The following TMEFF1 variants were observed in gnomAD, a reference collection of about 807,000 sequenced individuals.
TMEFF1 encodes the protein tomoregulin-1.
Under a neutral mutation model 47.5 loss-of-function variants are expected in TMEFF1, and 20 were observed. The ratio of observed to expected loss-of-function variants is 0.42; its 90% confidence interval spans 0.30 to 0.61. The LOEUF (loss-of-function observed/expected upper bound fraction) is 0.61. Ranked by LOEUF, TMEFF1 falls within the 20% of genes least tolerant of loss-of-function variation. The pLI is 0.19. For missense variants in TMEFF1, 411 were observed against 471.1 expected (o/e 0.87, Z 1.18); for synonymous variants, 162 against 166.3 (o/e 0.97, Z 0.20).
intron 8 of TMEFF1, among the ~76,000 whole-genome samples, chr9:100,570,841 G>T (rs1839226113): frequency 6.6e-6 from 1 of 152,016 alleles, no homozygotes; most frequent in South Asian, 2.1e-4. Context: ...TTCTTAATGA[G>T]TTGTGGGACA....
intron 4 of TMEFF1, among the ~76,000 whole-genome samples, chr9:100,514,142 C>T (rs1265090021): frequency 6.6e-6 from 1 of 151,966 alleles, no homozygotes; most frequent in African/African-American, 2.4e-5. Context: ...ACAATTCACA[C>T]TTAATGCAAA....
intron 8 of TMEFF1, among the ~76,000 whole-genome samples, chr9:100,566,599 G>A (rs1205452215): frequency 3.9e-5 from 6 of 152,178 alleles, no homozygotes; most frequent in Non-Finnish European, 7.3e-5. Flanking sequence ...GCTGTTCCTA[G>A]TGCAGGCCAA....
chr9:100,537,551 A>G (rs749413346), intron 5 of TMEFF1, among the ~76,000 whole-genome samples: 3 of 152,210 alleles, frequency 2.0e-5, no homozygotes, highest in Non-Finnish European at 4.4e-5. Context: ...TAAGCTGTCT[A>G]TTGCTACAGA....
At chr9:100,544,734 C>T (rs1248891448) in intron 5 of TMEFF1, among the ~76,000 whole-genome samples, 1 of 152,264 alleles carries the variant, frequency 6.6e-6, no homozygotes, top group African/African-American at 2.4e-5. Flanking sequence ...CAAGGCAAGT[C>T]CTTTCTGCCT....
chr9:100,519,298 C>T (rs1018556709), intron 5 of TMEFF1, among the ~76,000 whole-genome samples: 7 of 152,038 alleles, frequency 4.6e-5, no homozygotes, highest in African/African-American at 1.7e-4. Context: ...GTCCCAGCTA[C>T]TCGGGAGGCT....
Position 100,572,524 on chromosome 9 carries a change from A to T in TMEFF1, c.906A>T (p.Glu302Asp). 6.3e-7 allele frequency: 1 copy of T among 1,584,494 alleles called. No homozygotes were observed. ...YSTQKASCRC[E>D]SGYTGQHCEK... The stretch of plus-strand genomic sequence containing the variant: ...ATATATTTTTCCTTTTCAGATGTGA[A>T]TCTGGCTACACTGGACAGCACTGTG... Residue 302 changes from glutamate to aspartate, a missense_variant, in exon 9 of 10, where the codon GAA (glutamate) becomes GAT (aspartate). Physicochemically the swap from Glu to Asp is conservative, Grantham distance 45 (BLOSUM62 2). Transcript: ENST00000374879.
rs1358565521 is a variant in TMEFF1, at chr9:100,523,968, G to A, written c.560+7197G>A. On this transcript the variant is annotated intron_variant, in intron 5 of 9. Transcript: ENST00000374879. ...TATGTATATATGCATTCATGCCTTC[G>A]AAATTTAGTGCTGCCAATTCAAAAG... Among the ~76,000 whole-genome samples, 5 of 152,092 alleles carry A rather than the reference G, an allele frequency of 3.3e-5. No individual in the cohort carries two copies. In the East Asian group the frequency reaches 5.8e-4, roughly 18 times the overall value.
intron 5 of TMEFF1, among the ~76,000 whole-genome samples, chr9:100,525,895 A>G (rs2118421368): frequency 1.3e-5 from 2 of 150,512 alleles, no homozygotes; most frequent in South Asian, 4.2e-4. Context: ...GGATCTTCCT[A>G]GAAATTCCTT....
At chr9:100,530,617 C>G (rs1432181211) in intron 5 of TMEFF1, among the ~76,000 whole-genome samples, 1 of 151,956 alleles carries the variant, frequency 6.6e-6, no homozygotes, top group African/African-American at 2.4e-5. Flanking sequence ...CAAAAAGAGT[C>G]CAGGACCAGA....
At chr9:100,477,616 C>A (rs1837258724) in intron 1 of TMEFF1, among the ~76,000 whole-genome samples, 1 of 146,852 alleles carries the variant, frequency 6.8e-6, no homozygotes. Flanking sequence ...GATCTGCATT[C>A]CGCCTTTTTT....
rs576191550 is a variant in TMEFF1 at position 100,529,574 on chromosome 9, G to C, written c.560+12803G>C. ...AAATATATATGCACCCAATACAGGAGCACCCAGATTCATAAAGCAAGTCCT... is the reference window on the plus strand; with the variant it reads ...AAATATATATGCACCCAATACAGGACCACCCAGATTCATAAAGCAAGTCCT... On this transcript the variant is annotated intron_variant, in intron 5 of 9. Transcript: ENST00000374879. Among the ~76,000 whole-genome samples, 4 of 151,874 alleles carry C rather than the reference G, an allele frequency of 2.6e-5. No homozygotes were observed. In the South Asian group the frequency reaches 8.4e-4, roughly 32 times the overall value.
rs1837148369 is a variant in TMEFF1 at position 100,473,210 on chromosome 9, G to C, written c.-335G>C. 2 of 150,184 alleles carry C rather than the reference G, an allele frequency of 1.3e-5. No individual in the cohort carries two copies. Among genetic ancestry groups the C allele is most frequent in the Admixed American group, 1.3e-4 (2 of 15,040 alleles). The allele number at this position is 150,184 out of a possible 1,614,324, so 9.3% of individuals were successfully genotyped here. ...AGGGAAGGCGAGGAGGCGAGCAAGA[G>C]GCTGGGCCTGCCTCCGGCCCGCGAC... is the stretch of plus-strand genomic sequence containing the variant. On this transcript the variant is annotated 5_prime_UTR_variant, in exon 1 of 10. Transcript: ENST00000374879. The surrounding 1 kb of genome is among the most constrained non-coding windows in gnomAD (Gnocchi z 5.4).
chr9:100,498,711 A>G, intron 1 of TMEFF1, 54 bp from the exon 2 acceptor site: 1 of 1,556,458 alleles, frequency 6.4e-7, no homozygotes, highest in Non-Finnish European at 8.8e-7. Flanking sequence ...GCACAGACAC[A>G]CACACGTAAT....
chr9:100,484,693 G>A (rs532533548), intron 1 of TMEFF1, among the ~76,000 whole-genome samples: 2 of 148,766 alleles, frequency 1.3e-5, no homozygotes, highest in Middle Eastern at 3.4e-3. Context: ...AACCACTGAC[G>A]TACTTTTTTT....
At chr9:100,498,684 TACAC>T (rs372284828) in intron 1 of TMEFF1, 77 bp from the exon 2 acceptor site, 79 of 1,249,658 alleles carry the variant, frequency 6.3e-5, no homozygotes, top group East Asian at 4.5e-4. Flanking sequence ...GACTTTTTCA[TACAC>T]ACACACACAC....
At chr9:100,556,090 G>A (rs1430935287) in intron 7 of TMEFF1, among the ~76,000 whole-genome samples, 1 of 151,838 alleles carries the variant, frequency 6.6e-6, no homozygotes, top group African/African-American at 2.4e-5. Context: ...CTATTACTTT[G>A]GTGAACCTTA....
intron 2 of TMEFF1, among the ~76,000 whole-genome samples, chr9:100,499,737 C>T (rs1017987374): frequency 1.2e-4 from 18 of 152,140 alleles, no homozygotes; most frequent in African/African-American, 3.6e-4. Flanking sequence ...AGTGAAGGCA[C>T]GTTTCCTACC....
chr9:100,491,901 G>C (rs1233000903), intron 1 of TMEFF1, among the ~76,000 whole-genome samples: 1 of 139,206 alleles, frequency 7.2e-6, no homozygotes, highest in African/African-American at 2.7e-5. Context: ...TTTTTTTTGA[G>C]ACAGAGTCTC....
At chr9:100,548,434 C>T (rs1255892877) in intron 6 of TMEFF1, among the ~76,000 whole-genome samples, 1 of 152,076 alleles carries the variant, frequency 6.6e-6, no homozygotes, top group Non-Finnish European at 1.5e-5. Flanking sequence ...TTTGTTATAG[C>T]TTAGAAACCA....
Sources: allele counts gnomAD v4.1 joint callset (sites outside exome capture counted in the v4.1 genomes callset), GRCh38; gene constraint gnomAD v4.1.1; non-coding constraint Gnocchi (gnomAD v3.1); transcripts MANE v1.5; gene names NCBI Gene and HGNC (gene_info 2026-07-23, HGNC 2026-07-21).